ST18: variants seen among roughly 807,000 people sequenced by gnomAD.
ST18 encodes the protein ST18 C2H2C-type zinc finger transcription factor.
In ST18, 50 loss-of-function variants were observed where a neutral mutation model predicts 110.0. That is an observed-to-expected ratio of 0.45 (90% confidence interval 0.36 to 0.58). The LOEUF is 0.58. Among genes scored for constraint, ST18 ranks in the 20% least tolerant of loss-of-function variants. The pLI is 0.00. For synonymous variants in ST18, 461 were observed against 452.4 expected, an observed-to-expected ratio of 1.02 and a Z score of -0.24; for missense variants, 1,306 against 1,280.1, an observed-to-expected ratio of 1.02 and a Z score of -0.31.
intron 2 of ST18, chr8:52,407,505 T>A (rs1353811557): frequency 6.6e-6 from 1 of 152,226 alleles, no homozygotes; most frequent in Non-Finnish European, 1.5e-5. Flanking sequence ...TTTGTGCACA[T>A]GACTAATACT....
intron 15 of ST18, among the ~76,000 whole-genome samples, chr8:52,156,075 G>A (rs1244354853): frequency 2.0e-5 from 3 of 152,172 alleles, no homozygotes; most frequent in Non-Finnish European, 2.9e-5. Flanking sequence ...AAGCCACCAT[G>A]CCTGCCCTGG....
intron 2 of ST18, among the ~76,000 whole-genome samples, chr8:52,328,267 G>A (rs1807416017): frequency 6.6e-6 from 1 of 152,176 alleles, no homozygotes; most frequent in African/African-American, 2.4e-5. Context: ...GGACCAGAAT[G>A]AGAACTTATT....
intron 16 of ST18, among the ~76,000 whole-genome samples, chr8:52,147,005 G>A (rs1455515531): frequency 1.3e-5 from 2 of 152,172 alleles, no homozygotes; most frequent in African/African-American, 4.8e-5. Flanking sequence ...ACCTCACTTA[G>A]CATCTCCAAA....
At chr8:52,281,305 T>G (rs2095371749) in intron 2 of ST18, among the ~76,000 whole-genome samples, 1 of 152,018 alleles carries the variant, frequency 6.6e-6, no homozygotes. Flanking sequence ...CATAAAGAAG[T>G]GTTAAGAAAC....
intron 2 of ST18, among the ~76,000 whole-genome samples, chr8:52,376,334 C>G (rs1368172299): frequency 2.6e-5 from 4 of 152,174 alleles, no homozygotes; most frequent in Admixed American, 6.5e-5. Flanking sequence ...TGAACACACC[C>G]AGCTCACCCA....
chr8:52,200,219 G>T (rs1282926476), intron 8 of ST18, among the ~76,000 whole-genome samples: 1 of 152,126 alleles, frequency 6.6e-6, no homozygotes, highest in Non-Finnish European at 1.5e-5. Context: ...AAGTAAATAA[G>T]TAGTTGGATT....
chr8:52,158,833 T>C (rs1353163947), intron 15 of ST18, 65 bp downstream of exon 15: 15 of 1,569,474 alleles, frequency 9.6e-6, no homozygotes, highest in South Asian at 1.1e-5. Context: ...GTTAGGAACA[T>C]GAAAGGCAGT....
chr8:52,371,227 CA>C (rs1261517826), intron 2 of ST18, among the ~76,000 whole-genome samples: 2 of 152,274 alleles, frequency 1.3e-5, no homozygotes, highest in East Asian at 3.9e-4. Context: ...CTAGGTAAAA[CA>C]AAGGCGAATA....
intron 2 of ST18, among the ~76,000 whole-genome samples, chr8:52,289,930 T>G (rs1455895139): frequency 6.6e-6 from 1 of 152,112 alleles, no homozygotes; most frequent in Non-Finnish European, 1.5e-5. Flanking sequence ...ACCTTTTTTT[T>G]TTTAATAGAC....
chr8:52,271,122 T>A (rs753154660), intron 2 of ST18, among the ~76,000 whole-genome samples: 7 of 152,160 alleles, frequency 4.6e-5, no homozygotes. Context: ...TTGGTCTCGA[T>A]CTTCTGACCT....
intron 2 of ST18, among the ~76,000 whole-genome samples, chr8:52,308,499 C>T (rs1410387727): frequency 1.3e-5 from 2 of 152,334 alleles, no homozygotes; most frequent in South Asian, 2.1e-4. Flanking sequence ...TCAAAGACAG[C>T]TTTACTCACT....
At chr8:52,330,109 C>T (rs1307902056) in intron 2 of ST18, among the ~76,000 whole-genome samples, 1 of 152,092 alleles carries the variant, frequency 6.6e-6, no homozygotes, top group Non-Finnish European at 1.5e-5. Context: ...ATTCATTTGC[C>T]CTAGGATGCA....
Position 52,159,026 on chromosome 8 carries a change from A to C in ST18, c.1678T>G (p.Ser560Ala). 6.2e-7 allele frequency: 1 copy of C among 1,614,102 alleles called. No individual in the cohort carries two copies. The highest frequency in any genetic ancestry group is 8.5e-7 in the Non-Finnish European group (1 of 1,180,000). ...AHTQSPGRAS[S>A]YSYGQCSEDT... ...TCACTACATTGACCGTAGCTATAAGAGCTGGCACGGCCAGGGCTCTGGGTG... is the reference window on the plus strand; with the variant it reads ...TCACTACATTGACCGTAGCTATAAGCGCTGGCACGGCCAGGGCTCTGGGTG... Residue 560 changes from serine to alanine, a missense_variant, in exon 15 of 26, where the codon TCT becomes GCT. Coordinates refer to ENST00000689386, the MANE Select transcript of ST18 (RefSeq NM_001352837.2).
At chr8:52,136,770 GA>G (rs879333161) in intron 18 of ST18, 112 bp from the exon 19 acceptor site, 210 of 884,534 alleles carry the variant, frequency 2.4e-4, no homozygotes, top group Admixed American at 3.6e-4. Flanking sequence ...TGGGGATTGG[GA>G]AAAAAAAATA....
At chr8:52,364,396 G>A (rs367806989) in intron 2 of ST18, among the ~76,000 whole-genome samples, 2 of 152,210 alleles carry the variant, frequency 1.3e-5, no homozygotes, top group African/African-American at 2.4e-5. Flanking sequence ...TGTCTTTCTC[G>A]CTGCATTCCA....
chr8:52,370,466 AG>A (rs893204917), intron 2 of ST18, among the ~76,000 whole-genome samples: 2 of 151,998 alleles, frequency 1.3e-5, no homozygotes, highest in African/African-American at 2.4e-5. Flanking sequence ...AACTGCTTAG[AG>A]GGGGGAAGCT....
chr8:52,176,104 C>T (rs941201357), intron 9 of ST18, among the ~76,000 whole-genome samples: 1 of 152,032 alleles, frequency 6.6e-6, no homozygotes, highest in Non-Finnish European at 1.5e-5. Context: ...TCACTGCAAC[C>T]TCCGCCTCCC....
chr8:52,303,443 G>A (rs905987196), intron 2 of ST18, among the ~76,000 whole-genome samples: 6 of 152,206 alleles, frequency 3.9e-5, no homozygotes, highest in Non-Finnish European at 4.4e-5. Context: ...GATTACATCT[G>A]CAAAGACTTT....
intron 2 of ST18, among the ~76,000 whole-genome samples, chr8:52,306,226 G>T (rs752230408): frequency 6.6e-6 from 1 of 152,190 alleles, no homozygotes; most frequent in African/African-American, 2.4e-5. Flanking sequence ...TTAACTAAAA[G>T]GCTAATTTGG....
Sources: gnomAD v4.1 joint callset for allele counts (sites outside exome capture counted in the v4.1 genomes callset) on GRCh38, gnomAD v4.1.1 for gene constraint, MANE v1.5 for transcripts, NCBI Gene and HGNC (gene_info 2026-07-23, HGNC 2026-07-21) for gene names.